Variants in TBCA observed in about 807,000 individuals in gnomAD.
TBCA encodes the protein tubulin-specific chaperone A.
TBCA carries 6 observed loss-of-function variants against 15.8 expected under a neutral mutation model. That is an observed-to-expected ratio of 0.38 (90% CI 0.21 to 0.75). The LOEUF is 0.75. TBCA is among the 30% of genes least tolerant of loss of function. TBCA has a pLI of 0.46. For synonymous variants in TBCA, 32 were observed against 42.3 expected (o/e 0.76, Z 0.94); for missense variants, 90 against 131.2 (o/e 0.69, Z 1.53).
At chr5:77,693,384 G>A in intron 2 of TBCA, 32 bp from the exon 3 acceptor site, 1 of 1,596,362 alleles carries the variant, frequency 6.3e-7, no homozygotes, top group Non-Finnish European at 8.5e-7. Context: ...GACGTTCAAA[G>A]ATGGCAGAAC....
chr5:77,735,993 C>G (rs1746892911), intron 1 of TBCA, among the ~76,000 whole-genome samples: 1 of 152,144 alleles, frequency 6.6e-6, no homozygotes, highest in African/African-American at 2.4e-5. Context: ...CTATGTAGCA[C>G]TTAACTAGAC....
intron 1 of TBCA, among the ~76,000 whole-genome samples, chr5:77,726,088 A>G (rs1746626110): frequency 6.6e-6 from 1 of 152,262 alleles, no homozygotes; most frequent in South Asian, 2.1e-4. Flanking sequence ...CCATGTAGCC[A>G]GTGCCAGTTC....
At chr5:77,708,585 T>C (rs990845035) in intron 1 of TBCA, 1 of 255,922 alleles carries the variant, frequency 3.9e-6, no homozygotes, top group Non-Finnish European at 7.5e-6. Context: ...TTCTTTTTTT[T>C]CTTTGAGACA....
intron 1 of TBCA, among the ~76,000 whole-genome samples, chr5:77,772,040 C>G (rs1408917822): frequency 1.3e-5 from 2 of 148,168 alleles, no homozygotes; most frequent in African/African-American, 5.0e-5. Context: ...GTGTCAAGAA[C>G]AGATTTAAAA....
chr5:77,701,833 A>G (rs1404038930), intron 2 of TBCA, among the ~76,000 whole-genome samples: 1 of 151,266 alleles, frequency 6.6e-6, no homozygotes, highest in African/African-American at 2.4e-5. Context: ...ATATATAGAT[A>G]TATGATGGAA....
chr5:77,696,602 A>AT (rs1230876799), intron 2 of TBCA, among the ~76,000 whole-genome samples: 2 of 152,190 alleles, frequency 1.3e-5, no homozygotes, highest in Non-Finnish European at 2.9e-5. Context: ...AGGATGGGAA[A>AT]ATATATATAA....
At chr5:77,711,823 C>CTA (rs554860659) in intron 1 of TBCA, among the ~76,000 whole-genome samples, 60 of 152,226 alleles carry the variant, frequency 3.9e-4, no homozygotes, top group Non-Finnish European at 7.8e-4. Context: ...ACTTAACTAC[C>CTA]TATCACATGG....
At chr5:77,721,954 T>C (rs528867120) in intron 1 of TBCA, among the ~76,000 whole-genome samples, 2 of 152,176 alleles carry the variant, frequency 1.3e-5, no homozygotes, top group East Asian at 1.9e-4. Context: ...AACAGGAGAA[T>C]AGTATTGTTT....
rs190686668 is a variant in TBCA at position 77,714,239 on chromosome 5, G to C, written c.54-5892C>G. Among the ~76,000 whole-genome samples the C allele has an allele frequency of 1.3e-3, 204 of 152,198 alleles. 1 individual carries two copies. Among genetic ancestry groups the C allele is most frequent in the African/African-American group, 4.6e-3 (191 of 41,526 alleles). Reference sequence around the variant, plus strand: ...GGAGGCTGAGCCAGGAGAATCGCTTGAACCCGGGAGGCGGAGGCTGCAGTG... The same window carrying C: ...GGAGGCTGAGCCAGGAGAATCGCTTCAACCCGGGAGGCGGAGGCTGCAGTG... On this transcript the variant is annotated intron_variant, in intron 1 of 3. Coordinates refer to ENST00000380377, the MANE Select transcript of TBCA (RefSeq NM_004607.3).
intron 1 of TBCA, among the ~76,000 whole-genome samples, chr5:77,731,283 G>A (rs1207552565): frequency 6.6e-6 from 1 of 152,052 alleles, no homozygotes; most frequent in East Asian, 1.9e-4. Context: ...TACTGATGAG[G>A]TACAATATAG....
intron 1 of TBCA, among the ~76,000 whole-genome samples, chr5:77,733,142 A>G (rs1170614325): frequency 6.6e-6 from 1 of 152,136 alleles, no homozygotes; most frequent in Non-Finnish European, 1.5e-5. Context: ...TTATCCAGAC[A>G]TCGTGGCACA....
chr5:77,722,010 CAG>C (rs1303315261), intron 1 of TBCA, among the ~76,000 whole-genome samples: 1 of 151,856 alleles, frequency 6.6e-6, no homozygotes, highest in Non-Finnish European at 1.5e-5. Flanking sequence ...CTCACAAAAA[CAG>C]AAAAAAATAT....
chr5:77,711,278 T>C (rs532022195), intron 1 of TBCA, among the ~76,000 whole-genome samples: 1 of 152,340 alleles, frequency 6.6e-6, no homozygotes, highest in Non-Finnish European at 1.5e-5. Flanking sequence ...GAAGAGTAGT[T>C]GTGATAGAAG....
At chr5:77,772,665 T>A (rs2112522826) in intron 1 of TBCA, among the ~76,000 whole-genome samples, 1 of 152,266 alleles carries the variant, frequency 6.6e-6, no homozygotes, top group East Asian at 1.9e-4. Context: ...GGTTTTTCTT[T>A]AATTGCATTT....
intron 2 of TBCA, among the ~76,000 whole-genome samples, chr5:77,703,014 T>G (rs1580093927): frequency 6.6e-6 from 1 of 152,312 alleles, no homozygotes; most frequent in Non-Finnish European, 1.5e-5. Flanking sequence ...TTCCATATAT[T>G]TAATGAAAAA....
At chr5:77,737,296 A>C (rs920084076) in intron 1 of TBCA, among the ~76,000 whole-genome samples, 2 of 152,108 alleles carry the variant, frequency 1.3e-5, no homozygotes, top group Admixed American at 6.5e-5. Context: ...CAGGCAGCGC[A>C]CTCCTTACTG....
rs146736386 is a variant in TBCA at position 77,714,575 on chromosome 5, A to ATTTTTT, written c.54-6234_54-6229dup. Among the ~76,000 whole-genome samples the ATTTTTT allele has an allele frequency of 3.5e-4, 52 of 149,008 alleles. No homozygotes were observed. In the South Asian group the frequency reaches 4.5e-3, roughly 13 times the overall value. On this transcript the variant is annotated intron_variant, in intron 1 of 3. Transcript: ENST00000380377. ...AACAATTATTACTATTATTATTATT[A>ATTTTTT]TTTTTTTTTGAGATGGAGTCTGTCT...
chr5:77,733,124 T>C (rs1746813721), intron 1 of TBCA, among the ~76,000 whole-genome samples: 1 of 152,034 alleles, frequency 6.6e-6, no homozygotes, highest in African/African-American at 2.4e-5. Context: ...CTACTAAAAA[T>C]ACAAAAATTA....
chr5:77,772,968 G>A (rs994630114), intron 1 of TBCA, among the ~76,000 whole-genome samples: 5 of 152,186 alleles, frequency 3.3e-5, no homozygotes, highest in Non-Finnish European at 4.4e-5. Context: ...TCACTGGAAT[G>A]AGAAATGTCA....
Sources: allele counts gnomAD v4.1 joint callset (sites outside exome capture counted in the v4.1 genomes callset), GRCh38; gene constraint gnomAD v4.1.1; transcripts MANE v1.5; gene names NCBI Gene and HGNC (gene_info 2026-07-23, HGNC 2026-07-21).